The following DLG2 variants were observed in gnomAD, a reference collection of about 807,000 sequenced individuals.
The protein encoded by DLG2 is disks large homolog 2.
Under a neutral mutation model 132.5 loss-of-function variants are expected in DLG2, and 45 were observed. That is an observed-to-expected ratio of 0.34 (90% CI 0.27 to 0.44). DLG2 has a LOEUF of 0.44. Ranked by LOEUF, DLG2 falls within the 20% of genes least tolerant of loss-of-function variation. DLG2 has a pLI of 1.00. For synonymous variants in DLG2, 424 were observed against 419.6 expected (o/e 1.01, Z -0.13); for missense variants, 1,045 against 1,196.9 (o/e 0.87, Z 1.87).
intron 19 of DLG2, among the ~76,000 whole-genome samples, chr11:83,618,828 A>G (rs1434267967): frequency 1.3e-5 from 2 of 152,038 alleles, no homozygotes; most frequent in East Asian, 3.9e-4. Flanking sequence ...ACTACAAGAG[A>G]CTCCATCATA....
Position 83,805,604 on chromosome 11 carries a change from A to G in DLG2, c.1723-18812T>C, listed in dbSNP as rs184215976. Among the ~76,000 whole-genome samples, 163 of 152,158 alleles carry G rather than the reference A, an allele frequency of 1.1e-3. 1 individual carries two copies. Among genetic ancestry groups the G allele is most frequent in the African/African-American group, 3.8e-3 (156 of 41,526 alleles). ...CTCCCTCTCCCTTTTGTCTACTCTCAATACCTTGATAGTCATCTTGTATAT... is the reference window on the plus strand; with the variant it reads ...CTCCCTCTCCCTTTTGTCTACTCTCGATACCTTGATAGTCATCTTGTATAT... On this transcript the variant is annotated intron_variant, in intron 17 of 27. Transcript: ENST00000376104.
intron 11 of DLG2, among the ~76,000 whole-genome samples, chr11:84,058,570 C>G (rs1015630114): frequency 7.3e-5 from 11 of 150,006 alleles, no homozygotes; most frequent in African/African-American, 2.4e-4. Context: ...GCCTGTAGTC[C>G]CAGCTATTTG....
At chr11:85,212,201 C>A (rs2082297415) in intron 4 of DLG2, among the ~76,000 whole-genome samples, 1 of 152,080 alleles carries the variant, frequency 6.6e-6, no homozygotes. Flanking sequence ...AATTGTCAGT[C>A]TTTGGATTCA....
chr11:84,839,625 G>T (rs1282531211), intron 6 of DLG2, among the ~76,000 whole-genome samples: 1 of 152,038 alleles, frequency 6.6e-6, no homozygotes. Flanking sequence ...AACATAGCAT[G>T]GTACTAGTAC....
At chr11:83,967,642 A>T (rs2090492877) in intron 12 of DLG2, among the ~76,000 whole-genome samples, 1 of 152,058 alleles carries the variant, frequency 6.6e-6, no homozygotes, top group South Asian at 2.1e-4. Flanking sequence ...TTAACCTATC[A>T]TCAGATATAT....
At chr11:84,265,612 A>C (rs1352437693) in intron 7 of DLG2, among the ~76,000 whole-genome samples, 4 of 152,164 alleles carry the variant, frequency 2.6e-5, no homozygotes, top group Non-Finnish European at 5.9e-5. Context: ...GTCTTGCCTA[A>C]TTGTGAAAGT....
chr11:84,990,040 T>C (rs1019297106), intron 6 of DLG2, among the ~76,000 whole-genome samples: 1 of 152,128 alleles, frequency 6.6e-6, no homozygotes, highest in Non-Finnish European at 1.5e-5. Flanking sequence ...AAAATTTTGC[T>C]CCTTGAAAGA....
rs539763492 is a variant in DLG2 at position 84,166,522 on chromosome 11, AAAAG to A, written c.574-3015_574-3012del. Among the ~76,000 whole-genome samples, 55 of 141,580 alleles carry A rather than the reference AAAAG, an allele frequency of 3.9e-4. 1 individual carries two copies. Among genetic ancestry groups the A allele is most frequent in the African/African-American group, 1.3e-3 (48 of 38,180 alleles). 92.9% of individuals were successfully genotyped at this position (141,580 alleles called of 152,430 possible). A position where few individuals can be genotyped will look rare whatever the true frequency, so the allele number is the denominator to read the frequency against. On this transcript the variant is annotated intron_variant, in intron 8 of 27. Transcript: ENST00000376104. Reference sequence around the variant, plus strand: ...CTTCAAAAAAAAAAAAAAAAAAAAGAAAAGAAAGAAAGAAAGAAAGAAAAAAACA... The same window carrying A: ...CTTCAAAAAAAAAAAAAAAAAAAAGAAAAGAAAGAAAGAAAGAAAAAAACA...
intron 6 of DLG2, among the ~76,000 whole-genome samples, chr11:85,076,858 C>G (rs1347273490): frequency 6.6e-6 from 1 of 152,008 alleles, no homozygotes; most frequent in Non-Finnish European, 1.5e-5. Flanking sequence ...ATCTGCTGAG[C>G]TTTCATTATG....
At position 84,447,755 on chromosome 11, in the gene DLG2, T is replaced by C. The variant is rs553425899; in HGVS notation, c.519+86815A>G. On this transcript the variant is annotated intron_variant, in intron 7 of 27. Coordinates refer to ENST00000376104, the MANE Select transcript of DLG2 (RefSeq NM_001142699.3). ...TTGTAAGAACAAAAACTCAAATGGG[T>C]CCTAAACTTATATAGTAGATCTGAA... 3.9e-5 allele frequency among the ~76,000 whole-genome samples: 6 copies of C among 152,160 alleles called. No individual in the cohort carries two copies. In the East Asian group the frequency reaches 9.7e-4, roughly 24 times the overall value.
intron 6 of DLG2, among the ~76,000 whole-genome samples, chr11:84,802,929 A>G (rs1566004452): frequency 6.6e-6 from 1 of 152,042 alleles, no homozygotes; most frequent in Non-Finnish European, 1.5e-5. Context: ...CCACCTAAGT[A>G]GCTGGGACAA....
At chr11:85,149,370 C>T (rs2077073930) in intron 5 of DLG2, among the ~76,000 whole-genome samples, 1 of 152,122 alleles carries the variant, frequency 6.6e-6, no homozygotes, top group Non-Finnish European at 1.5e-5. Flanking sequence ...ATTGATTCTT[C>T]CTATCCATGA....
chr11:83,722,048 A>G (rs1276633340), intron 18 of DLG2, among the ~76,000 whole-genome samples: 1 of 152,170 alleles, frequency 6.6e-6, no homozygotes, highest in African/African-American at 2.4e-5. Context: ...TACTATTCCA[A>G]CTACTCTTTT....
chr11:83,825,436 C>T (rs57058308), intron 17 of DLG2, among the ~76,000 whole-genome samples: 8 of 151,914 alleles, frequency 5.3e-5, no homozygotes, highest in Non-Finnish European at 1.2e-4. Flanking sequence ...CCAACTCAGC[C>T]TCCCAGAGTG....
Position 84,270,631 on chromosome 11 carries a change from T to C in DLG2, c.520-19340A>G, listed in dbSNP as rs191413776. 6.3e-3 allele frequency among the ~76,000 whole-genome samples: 959 copies of C among 152,306 alleles called. 4 individuals are homozygous for C. The highest frequency in any genetic ancestry group is 0.01 in the Non-Finnish European group (696 of 68,016). Reference sequence around the variant, plus strand: ...TGACTGAAAAACCAGTTGTGATTCATAGCTTATGGTGTGTGAGTGAGATGA... The same window carrying C: ...TGACTGAAAAACCAGTTGTGATTCACAGCTTATGGTGTGTGAGTGAGATGA... On this transcript the variant is annotated intron_variant, in intron 7 of 27. Coordinates refer to ENST00000376104, the MANE Select transcript of DLG2 (RefSeq NM_001142699.3).
At chr11:84,691,474 A>C (rs758628699) in intron 6 of DLG2, among the ~76,000 whole-genome samples, 2 of 151,910 alleles carry the variant, frequency 1.3e-5, no homozygotes, top group African/African-American at 2.4e-5. Context: ...ACTTAAAAAA[A>C]CTATGTTAAA....
intron 3 of DLG2, among the ~76,000 whole-genome samples, chr11:85,572,173 G>A (rs565285782): frequency 2.6e-4 from 40 of 152,220 alleles, no homozygotes; most frequent in African/African-American, 9.4e-4. Flanking sequence ...TTATGGAGGG[G>A]TGAACTTTTA....
intron 6 of DLG2, among the ~76,000 whole-genome samples, chr11:84,652,731 T>A (rs1256802837): frequency 2.0e-5 from 3 of 152,188 alleles, no homozygotes; most frequent in African/African-American, 7.2e-5. Context: ...ATTATTTCAT[T>A]TAAACCTTTT....
chr11:83,887,243 G>A (rs1156957981), intron 15 of DLG2, among the ~76,000 whole-genome samples: 21 of 151,636 alleles, frequency 1.4e-4, no homozygotes, highest in African/African-American at 2.7e-4. Context: ...TCAAACAGAC[G>A]CAATAAAAAA....
Sources: allele counts gnomAD v4.1 joint callset (sites outside exome capture counted in the v4.1 genomes callset), GRCh38; gene constraint gnomAD v4.1.1; transcripts MANE v1.5; gene names NCBI Gene and HGNC (gene_info 2026-07-23, HGNC 2026-07-21).